The following NKX2-2 variants were observed in gnomAD, a reference collection of about 807,000 sequenced individuals.
The protein encoded by NKX2-2 is homeobox protein Nkx-2.2.
A neutral mutation model predicts 24.6 loss-of-function variants in NKX2-2; 8 were observed. The observed-to-expected ratio is 0.32, with a 90% confidence interval of 0.19 to 0.59. The LOEUF (loss-of-function observed/expected upper bound fraction) is 0.59, where lower values mean the gene tolerates loss of function less well. Among genes scored for constraint, NKX2-2 ranks in the 20% least tolerant of loss-of-function variants. The pLI is 0.86. For missense variants in NKX2-2, 381 were observed against 373.9 expected, an observed-to-expected ratio of 1.02 and a Z score of -0.16; for synonymous variants, 217 against 173.3, an observed-to-expected ratio of 1.25 and a Z score of -1.98.
At chr20:21,522,549 C>A in the NKX2-2 span, among the ~76,000 whole-genome samples, 3 of 152,082 alleles carry the variant, frequency 2.0e-5, no homozygotes, top group African/African-American at 7.2e-5. Context: ...GAAACGCGTG[C>A]GAGCTGGAGG....
chr20:21,521,246 A>G, the NKX2-2 span, among the ~76,000 whole-genome samples: 1 of 152,142 alleles, frequency 6.6e-6, no homozygotes, highest in East Asian at 1.9e-4. Context: ...AAGAGCCACT[A>G]AAGTCGAGAA....
In NKX2-2 at chr20:21,511,879, G is replaced by T. The variant is rs547090259; in HGVS notation, c.*44C>A. On this transcript the variant is annotated 3_prime_UTR_variant, in exon 2 of 2. Coordinates refer to ENST00000377142, the MANE Select transcript of NKX2-2 (RefSeq NM_002509.4). ...GCCTCCTCGCCGCCACCGCCGCCGG[G>T]GTGGGGCCTGGGCCTGGGGCCGCGA... is the stretch of plus-strand genomic sequence containing the variant. 173 of 1,486,926 alleles carry T rather than the reference G, an allele frequency of 1.2e-4. No individual in the cohort carries two copies. The highest frequency in any genetic ancestry group is 1.5e-4 in the Non-Finnish European group (162 of 1,112,442). 92.1% of individuals were successfully genotyped at this position (1,486,926 alleles called of 1,614,324 possible). A position where few individuals can be genotyped will look rare whatever the true frequency, so the allele number is the denominator to read the frequency against.
chr20:21,514,447 G>A (rs1489208078), upstream of NKX2-2, among the ~76,000 whole-genome samples: 2 of 148,810 alleles, frequency 1.3e-5, no homozygotes, highest in Admixed American at 6.7e-5. Flanking sequence ...CCACCGCGTC[G>A]CTCGCGAGTC....
Position 21,513,206 on chromosome 20 carries a change from GA to G in NKX2-2, c.259+204del, listed in dbSNP as rs1980505012. Among the ~76,000 whole-genome samples, 1 of 152,190 alleles carries G rather than the reference GA, an allele frequency of 6.6e-6. No individual in the cohort carries two copies. Among genetic ancestry groups the G allele is most frequent in the Non-Finnish European group, 1.5e-5 (1 of 68,028 alleles). ...TTCTCGCATTGAAAAAAATTTTGGA[GA>G]CCAAGTTCTTTCCCGGAACTAAGGA... On this transcript the variant is annotated intron_variant, in intron 1 of 1. Coordinates refer to ENST00000377142, the MANE Select transcript of NKX2-2 (RefSeq NM_002509.4). The surrounding 1 kb of genome is among the most constrained non-coding windows in gnomAD (Gnocchi z 4.6).
At chr20:21,518,644 A>T (rs553488976), upstream of NKX2-2, among the ~76,000 whole-genome samples, 3 of 152,240 alleles carry the variant, frequency 2.0e-5, no homozygotes, top group South Asian at 6.2e-4. Context: ...TAGCTCAAAC[A>T]CGAGCGCCTT....
chr20:21,521,992 C>T, the NKX2-2 span, among the ~76,000 whole-genome samples: 6 of 152,250 alleles, frequency 3.9e-5, no homozygotes, highest in Non-Finnish European at 8.8e-5. Context: ...CTCCCTCCTC[C>T]TCCGCCTCCC....
upstream of NKX2-2, among the ~76,000 whole-genome samples, chr20:21,515,003 G>A (rs1980589163): frequency 7.1e-6 from 1 of 141,766 alleles, no homozygotes; most frequent in Non-Finnish European, 1.5e-5. Flanking sequence ...CCACCTCTCT[G>A]CGGCCAAGGA....
rs1438316355 is a variant in NKX2-2, at chr20:21,512,533, C to G, written c.260-48G>C. 2.9e-6 allele frequency: 4 copies of G among 1,390,678 alleles called. No homozygotes were observed. In the African/African-American group the frequency reaches 4.3e-5, roughly 15 times the overall value. 86.1% of individuals were successfully genotyped at this position (1,390,678 alleles called of 1,614,324 possible). On this transcript the variant is annotated intron_variant, in intron 1 of 1. Coordinates refer to ENST00000377142, the MANE Select transcript of NKX2-2 (RefSeq NM_002509.4). ...GCGCGTCAGGCGTCTGGAGGCCGCG[C>G]GCAGCCTGCACCAGACTCGGAGCAC...
the NKX2-2 span, among the ~76,000 whole-genome samples, chr20:21,521,778 A>G: frequency 1.3e-5 from 2 of 151,906 alleles, no homozygotes; most frequent in Non-Finnish European, 2.9e-5. Flanking sequence ...GGCAATCGGG[A>G]GGGAGCTAGC....
chr20:21,516,965 C>T (rs1980656299), upstream of NKX2-2, among the ~76,000 whole-genome samples: 2 of 152,194 alleles, frequency 1.3e-5, no homozygotes, highest in Admixed American at 1.3e-4. Context: ...AAATCAGCAC[C>T]GCTGCTATTG....
At chr20:21,515,330 G>C (rs1310980685), upstream of NKX2-2, among the ~76,000 whole-genome samples, 1 of 152,124 alleles carries the variant, frequency 6.6e-6, no homozygotes, top group Non-Finnish European at 1.5e-5. Flanking sequence ...CGGGGGAGGG[G>C]GGTCGCTGGG....
At chr20:21,515,822 G>A (rs1980622157), upstream of NKX2-2, among the ~76,000 whole-genome samples, 1 of 152,168 alleles carries the variant, frequency 6.6e-6, no homozygotes. Context: ...CCGCGCCCCA[G>A]CTGCCCCCGG....
Position 21,511,974 on chromosome 20 carries a change from G to C in NKX2-2, c.771C>G (p.Pro257=), listed in dbSNP as rs749836313. Residue 257 remains proline (P), a synonymous_variant, in exon 2 of 2, where the codon CCC becomes CCG. Coordinates refer to ENST00000377142, the MANE Select transcript of NKX2-2 (RefSeq NM_002509.4). ...YNAQYSSAST[P]QYPTAHPLVQ... is the part of the protein sequence containing the mutation. ...CCAGGGGGTGTGCTGTCGGGTACTG[G>C]GGGGTGCTGGCCGAGCTGTACTGGG... The C allele has an allele frequency of 7.4e-6, 12 of 1,611,038 alleles. No individual in the cohort carries two copies. The highest frequency in any genetic ancestry group is 5.0e-5 in the Admixed American group (3 of 60,006).
At chr20:21,517,772 C>T (rs1464235762), upstream of NKX2-2, among the ~76,000 whole-genome samples, 1 of 152,198 alleles carries the variant, frequency 6.6e-6, no homozygotes, top group Non-Finnish European at 1.5e-5. Flanking sequence ...CAGGTGATTG[C>T]ATCCTGAGGA....
chr20:21,511,954 G>A lies in NKX2-2; in HGVS notation c.791C>T (p.Pro264Leu). 1.9e-6 allele frequency: 3 copies of A among 1,604,172 alleles called. No individual in the cohort carries two copies. Among genetic ancestry groups the A allele is most frequent in the African/African-American group, 1.3e-5 (1 of 74,954 alleles). Residue 264 changes from proline (P) to leucine (L), a missense_variant, in exon 2 of 2, where the codon CCC (proline) becomes CTC (leucine). Physicochemically the swap from Pro to Leu is moderately conservative, Grantham distance 98. This residue lies in a region of NKX2-2 where 139 missense variants were observed against 121.7 expected (regional missense o/e 1.14). Transcript: ENST00000377142. ...AGTCCACTGCTGGGCCTGGACCAGG[G>A]GGTGTGCTGTCGGGTACTGGGGGGT... ...ASTPQYPTAHPLVQAQQWTW is the reference protein window; with the variant it reads ...ASTPQYPTAHLLVQAQQWTW
At chr20:21,521,922 G>T in the NKX2-2 span, among the ~76,000 whole-genome samples, 1 of 152,140 alleles carries the variant, frequency 6.6e-6, no homozygotes, top group Admixed American at 6.5e-5. Context: ...CCCCCACCGC[G>T]CGCCCTACCA....
At chr20:21,521,715 G>A in the NKX2-2 span, among the ~76,000 whole-genome samples, 5 of 152,228 alleles carry the variant, frequency 3.3e-5, no homozygotes, top group African/African-American at 9.6e-5. Context: ...GGTGGGTGCA[G>A]CGGCCGCCCC....
chr20:21,513,486 TCAGGGG>T lies in NKX2-2; in HGVS notation c.178_183del (p.Pro60_Leu61del). 1 of 1,611,098 alleles carries T rather than the reference TCAGGGG, an allele frequency of 6.2e-7. No homozygotes were observed. The highest frequency in any genetic ancestry group is 8.5e-7 in the Non-Finnish European group (1 of 1,178,728). ...TCGCTGCTGTCGTAGAAGGGGTTCT[TCAGGGG>T]CAGGCTCTGCACCGCGTCCAGGGCG... is the stretch of plus-strand genomic sequence containing the variant. On this transcript the variant is annotated inframe_deletion, in exon 1 of 2. Transcript: ENST00000377142. The surrounding 1 kb of genome is among the most constrained non-coding windows in gnomAD (Gnocchi z 4.6).
chr20:21,515,397 G>A (rs1980607155), upstream of NKX2-2, among the ~76,000 whole-genome samples: 1 of 152,138 alleles, frequency 6.6e-6, no homozygotes, highest in Non-Finnish European at 1.5e-5. Context: ...GAGTTCTTTA[G>A]TGTGGTCTCT....
Sources: gnomAD v4.1 joint callset for allele counts (sites outside exome capture counted in the v4.1 genomes callset) on GRCh38, gnomAD v4.1.1 for gene constraint, gnomAD v4.1.1 regional missense constraint, Gnocchi (gnomAD v3.1) non-coding constraint, MANE v1.5 for transcripts, NCBI Gene and HGNC (gene_info 2026-07-23, HGNC 2026-07-21) for gene names.